The following TUNAR variants were observed in gnomAD, a reference collection of about 807,000 sequenced individuals.
TUNAR encodes transmembrane neural differentiation associated intracellular calcium regulator, also known as protein TUNAR.
chr14:95,911,934 C>T (rs1889521796), intron 2 of TUNAR, among the ~76,000 whole-genome samples: 1 of 152,162 alleles, frequency 6.6e-6, no homozygotes, highest in Non-Finnish European at 1.5e-5. Flanking sequence ...GTCAGAACCT[C>T]CTTCATTTGT....
At chr14:95,894,060 G>A (rs1442861684) in intron 2 of TUNAR, among the ~76,000 whole-genome samples, 1 of 152,262 alleles carries the variant, frequency 6.6e-6, no homozygotes, top group Non-Finnish European at 1.5e-5. Flanking sequence ...ACTGCTCAGG[G>A]AAACTGGCAG....
At chr14:95,898,500 C>T (rs1889298602) in intron 2 of TUNAR, among the ~76,000 whole-genome samples, 2 of 152,220 alleles carry the variant, frequency 1.3e-5, no homozygotes, top group African/African-American at 2.4e-5. Flanking sequence ...ATCTGAGCCT[C>T]TTACTTGTCA....
chr14:95,925,431 G>A (rs1889772133), exon 3 of TUNAR: 1 of 152,192 alleles, frequency 6.6e-6, no homozygotes, highest in African/African-American at 2.4e-5. Flanking sequence ...TAAGGATAAG[G>A]GATGAGAGGA....
chr14:95,892,148 C>T (rs574391053), intron 2 of TUNAR, among the ~76,000 whole-genome samples: 1 of 152,350 alleles, frequency 6.6e-6, no homozygotes, highest in South Asian at 2.1e-4. Flanking sequence ...TCCCCTATGA[C>T]ACTGAGACGC....
chr14:95,916,923 G>A (rs1393681085), intron 2 of TUNAR, among the ~76,000 whole-genome samples: 1 of 152,148 alleles, frequency 6.6e-6, no homozygotes, highest in Admixed American at 6.5e-5. Context: ...ACCATGCCTG[G>A]ACATGGTTTT....
intron 2 of TUNAR, 85 bp from the exon 2 acceptor site, chr14:95,922,696 G>A (rs143933025): frequency 5.6e-4 from 223 of 397,352 alleles, no homozygotes; most frequent in African/African-American, 4.2e-3. Context: ...CCTGCAAGCA[G>A]ATCACTACCC....
At chr14:95,892,917 G>A (rs370074755) in intron 2 of TUNAR, among the ~76,000 whole-genome samples, 7 of 152,176 alleles carry the variant, frequency 4.6e-5, no homozygotes, top group African/African-American at 1.4e-4. Context: ...TATGTCTGGC[G>A]GTGCAGGGAT....
chr14:95,885,523 C>T (rs1168259858), intron 2 of TUNAR, among the ~76,000 whole-genome samples: 8 of 152,046 alleles, frequency 5.3e-5, no homozygotes, highest in South Asian at 2.1e-4. Context: ...CAGAGTTGAG[C>T]GGGAAAGGCC....
intron 2 of TUNAR, among the ~76,000 whole-genome samples, chr14:95,898,255 G>A (rs1324629225): frequency 1.3e-5 from 2 of 152,306 alleles, no homozygotes; most frequent in Admixed American, 1.3e-4. Flanking sequence ...TCCGATGCCT[G>A]GTTCTTTGTA....
intron 2 of TUNAR, among the ~76,000 whole-genome samples, chr14:95,916,370 G>A (rs117051081): frequency 0.01 from 1,588 of 152,272 alleles, 16 homozygotes; most frequent in Non-Finnish European, 0.015. Context: ...ACATAAGTGG[G>A]AACATCCTTT....
At chr14:95,904,078 T>TA (rs1339218452) in intron 2 of TUNAR, among the ~76,000 whole-genome samples, 4 of 152,240 alleles carry the variant, frequency 2.6e-5, no homozygotes, top group Non-Finnish European at 5.9e-5. Flanking sequence ...TGGCCATCTA[T>TA]AATCCCCCAT....
chr14:95,895,162 G>A lies in TUNAR; in HGVS notation c.12+17985G>A, dbSNP rs1889242446. 6.6e-6 allele frequency among the ~76,000 whole-genome samples: 1 copy of A among 152,238 alleles called. No individual in the cohort carries two copies. Among genetic ancestry groups the A allele is most frequent in the African/African-American group, 2.4e-5 (1 of 41,462 alleles). On this transcript the variant is annotated intron_variant, in intron 2 of 2. Coordinates refer to ENST00000678517, the Ensembl canonical transcript of TUNAR. This position sits in a 1 kb window ranked among gnomAD's most constrained non-coding sequence, Gnocchi z 4.5. ...AGGGTCATACAAGGTGTCCCAGAGA[G>A]GGGACATCTGAGCTGCATCTTAAAG... is the stretch of plus-strand genomic sequence containing the variant.
chr14:95,876,697 C>G (rs2139647813), intron 1 of TUNAR, 135 bp from the exon 1 acceptor site: 1 of 152,418 alleles, frequency 6.6e-6, no homozygotes, highest in East Asian at 1.9e-4. Flanking sequence ...CGGCCATGTG[C>G]TAAAGTTTCT....
intron 2 of TUNAR, among the ~76,000 whole-genome samples, chr14:95,886,314 A>G (rs896592095): frequency 1.2e-4 from 19 of 152,250 alleles, no homozygotes; most frequent in Non-Finnish European, 1.0e-4. Context: ...TTTGAAATCA[A>G]TGTGCTCAGC....
chr14:95,899,778 C>G (rs768615294), intron 2 of TUNAR, among the ~76,000 whole-genome samples: 2 of 152,180 alleles, frequency 1.3e-5, no homozygotes, highest in Non-Finnish European at 2.9e-5. Context: ...ACCCTCATTA[C>G]CTAATCTCCT....
chr14:95,923,031 T>A (rs4905406), exon 3 of TUNAR: 44,759 of 398,774 alleles, frequency 0.11, 2,700 homozygotes, highest in South Asian at 0.22. Context: ...TGTCGGCGCA[T>A]CACTGACCAG....
intron 2 of TUNAR, among the ~76,000 whole-genome samples, chr14:95,919,030 T>C (rs1177096154): frequency 6.6e-6 from 1 of 152,170 alleles, no homozygotes; most frequent in Non-Finnish European, 1.5e-5. Flanking sequence ...CGACGGATGA[T>C]AAACCAGAGA....
chr14:95,899,045 C>T (rs1371397851), intron 2 of TUNAR, among the ~76,000 whole-genome samples: 1 of 152,178 alleles, frequency 6.6e-6, no homozygotes, highest in South Asian at 2.1e-4. Context: ...CCCTTCCCCC[C>T]AAAACTTGAT....
chr14:95,876,996 G>C (rs1305650960), exon 2 of TUNAR: 1 of 152,332 alleles, frequency 6.6e-6, no homozygotes, highest in African/African-American at 2.4e-5. Flanking sequence ...CCGGCGGCCA[G>C]CCCTATCCGG....
Sources: allele counts gnomAD v4.1 joint callset (sites outside exome capture counted in the v4.1 genomes callset), GRCh38; gene constraint gnomAD v4.1.1; non-coding constraint Gnocchi (gnomAD v3.1); transcripts MANE v1.5; gene names NCBI Gene and HGNC (gene_info 2026-07-23, HGNC 2026-07-21).